Variants in CNGA1 observed in about 807,000 individuals in gnomAD.
CNGA1 encodes cyclic nucleotide-gated channel alpha-1.
In CNGA1, 53 loss-of-function variants were observed where a neutral mutation model predicts 69.7. The observed-to-expected ratio is 0.76, with a 90% CI of 0.61 to 0.96. The LOEUF (loss-of-function observed/expected upper bound fraction) is 0.96, where lower values mean the gene tolerates loss of function less well. CNGA1 is among the 40% of genes least tolerant of loss of function. The pLI is 0.00. For missense variants in CNGA1, 739 were observed against 811.2 expected (o/e 0.91, Z 1.08); for synonymous variants, 249 against 283.5 (o/e 0.88, Z 1.22).
chr4:47,997,673 G>A (rs559472893), intron 2 of CNGA1, among the ~76,000 whole-genome samples: 5 of 152,208 alleles, frequency 3.3e-5, no homozygotes, highest in Admixed American at 6.5e-5. Flanking sequence ...TTTGGTGGTA[G>A]TGCTGTTTCA....
intron 8 of CNGA1, 150 bp downstream of exon 8, chr4:47,943,031 A>G: frequency 1.6e-6 from 1 of 613,808 alleles, no homozygotes; most frequent in Non-Finnish European, 2.9e-6. Context: ...TTTATGTTAA[A>G]TGTTTATTTT....
At position 47,973,066 on chromosome 4, in the gene CNGA1, C is replaced by CTTTTT. The variant is rs3058684; in HGVS notation, c.-15+8322_-15+8326dup. On this transcript the variant is annotated intron_variant, in intron 3 of 10. Coordinates refer to ENST00000514170, the MANE Select transcript of CNGA1 (RefSeq NM_001379270.1). ...TAGTACACAGACTTTAAAGCACCAT[C>CTTTTT]TTTTTTTTTTTTTTTTTTTGAGAGG... Among the ~76,000 whole-genome samples the CTTTTT allele has an allele frequency of 7.5e-5, 9 of 120,238 alleles. 1 individual carries two copies. The highest frequency in any genetic ancestry group is 9.7e-5 in the Admixed American group (1 of 10,302). The allele number at this position is 120,238 out of a possible 152,430, so 78.9% of individuals were successfully genotyped here. A position where few individuals can be genotyped will look rare whatever the true frequency, so the allele number is the denominator to read the frequency against.
intron 2 of CNGA1, among the ~76,000 whole-genome samples, chr4:48,007,478 T>C (rs896360178): frequency 3.3e-5 from 5 of 152,162 alleles, no homozygotes; most frequent in Non-Finnish European, 7.3e-5. Context: ...AGGAATGCAG[T>C]TTATTTTGAT....
intron 3 of CNGA1, among the ~76,000 whole-genome samples, chr4:47,972,245 C>T (rs1254910843): frequency 6.6e-6 from 1 of 151,906 alleles, no homozygotes; most frequent in Non-Finnish European, 1.5e-5. Flanking sequence ...ATATTTTGTT[C>T]CCCTTTTCTA....
chr4:47,982,906 G>A (rs2661537), intron 2 of CNGA1, among the ~76,000 whole-genome samples: 27,179 of 152,080 alleles, frequency 0.18, 2,604 homozygotes, highest in Middle Eastern at 0.24. Flanking sequence ...CCAGGTTCAA[G>A]CAATTCTCCT....
intron 3 of CNGA1, among the ~76,000 whole-genome samples, chr4:47,966,847 TAAG>T (rs1364853457): frequency 1.3e-5 from 2 of 152,002 alleles, no homozygotes; most frequent in Non-Finnish European, 2.9e-5. Context: ...TGACAAAAAA[TAAG>T]GAGAGAAACC....
At chr4:47,980,430 A>C (rs1164320693) in intron 3 of CNGA1, among the ~76,000 whole-genome samples, 1 of 151,788 alleles carries the variant, frequency 6.6e-6, no homozygotes, top group Non-Finnish European at 1.5e-5. Flanking sequence ...TTAAAGAAAA[A>C]CATGACAGTA....
intron 3 of CNGA1, among the ~76,000 whole-genome samples, chr4:47,975,958 A>G (rs944517182): frequency 1.3e-5 from 2 of 151,196 alleles, no homozygotes; most frequent in East Asian, 1.9e-4. Context: ...GTAGTTCCTG[A>G]CTTTTATCTT....
intron 3 of CNGA1, among the ~76,000 whole-genome samples, chr4:47,955,332 A>G (rs1471856414): frequency 6.6e-6 from 1 of 150,590 alleles, no homozygotes; most frequent in East Asian, 1.9e-4. Context: ...ACAGGCGCCC[A>G]CCACCACGCC....
intron 2 of CNGA1, among the ~76,000 whole-genome samples, chr4:48,007,710 C>A (rs567755257): frequency 3.3e-5 from 5 of 152,096 alleles, no homozygotes; most frequent in African/African-American, 7.2e-5. Flanking sequence ...CTAAGCAAAT[C>A]AAAACTTAAT....
At chr4:47,973,452 G>T (rs1749067201) in intron 3 of CNGA1, among the ~76,000 whole-genome samples, 1 of 152,146 alleles carries the variant, frequency 6.6e-6, no homozygotes, top group South Asian at 2.1e-4. Flanking sequence ...GGTATTACTT[G>T]AAGACAGCCA....
chr4:48,004,418 G>A (rs1714811810), intron 2 of CNGA1, among the ~76,000 whole-genome samples: 1 of 151,944 alleles, frequency 6.6e-6, no homozygotes, highest in Admixed American at 6.5e-5. Context: ...TCTCATCTCT[G>A]CACACGAGGA....
At chr4:48,011,348 A>T (rs1047906707) in intron 1 of CNGA1, among the ~76,000 whole-genome samples, 4 of 151,950 alleles carry the variant, frequency 2.6e-5, no homozygotes, top group Non-Finnish European at 2.9e-5. Context: ...GAGAGAAAAA[A>T]AACAAAACAA....
At chr4:47,946,710 G>T (rs1190318266) in intron 6 of CNGA1, among the ~76,000 whole-genome samples, 3 of 152,252 alleles carry the variant, frequency 2.0e-5, no homozygotes, top group Non-Finnish European at 4.4e-5. Flanking sequence ...ATCTGGGATT[G>T]AGCATGAATC....
At chr4:47,943,498 T>C (rs2110142615) in intron 6 of CNGA1, 86 bp from the exon 7 acceptor site, 1 of 902,304 alleles carries the variant, frequency 1.1e-6, no homozygotes, top group Non-Finnish European at 1.6e-6. Context: ...AAATCTCAGC[T>C]TTGCATTCAA....
chr4:47,984,694 A>G (rs961845462), intron 2 of CNGA1, among the ~76,000 whole-genome samples: 1 of 112,082 alleles, frequency 8.9e-6, no homozygotes, highest in Non-Finnish European at 2.1e-5. Flanking sequence ...ACACACACAC[A>G]TATATATATA....
intron 3 of CNGA1, among the ~76,000 whole-genome samples, chr4:47,963,852 C>T (rs1740588696): frequency 6.6e-6 from 1 of 152,030 alleles, no homozygotes; most frequent in South Asian, 2.1e-4. Context: ...ATAAAATATA[C>T]CTCATTATTG....
At chr4:48,000,475 T>A (rs532272684) in intron 2 of CNGA1, among the ~76,000 whole-genome samples, 27 of 152,144 alleles carry the variant, frequency 1.8e-4, no homozygotes, top group African/African-American at 6.3e-4. Flanking sequence ...TTTCAAGCGA[T>A]TCTCATGCCT....
At chr4:47,982,866 G>C (rs1225209498) in intron 2 of CNGA1, among the ~76,000 whole-genome samples, 1 of 152,050 alleles carries the variant, frequency 6.6e-6, no homozygotes, top group Non-Finnish European at 1.5e-5. Context: ...GTGCAGTGGT[G>C]CCATCGCGGC....
Sources: gnomAD v4.1 joint callset for allele counts (sites outside exome capture counted in the v4.1 genomes callset) on GRCh38, gnomAD v4.1.1 for gene constraint, MANE v1.5 for transcripts, NCBI Gene and HGNC (gene_info 2026-07-23, HGNC 2026-07-21) for gene names.